The following IL1RAPL2 variants were observed in gnomAD, a reference collection of about 807,000 sequenced individuals.
The protein encoded by IL1RAPL2 is X-linked interleukin-1 receptor accessory protein-like 2.
Under a neutral mutation model 44.1 loss-of-function variants are expected in IL1RAPL2, and 3 were observed. The ratio of observed to expected loss-of-function variants is 0.07; its 90% CI spans 0.03 to 0.18. The LOEUF (loss-of-function observed/expected upper bound fraction) is 0.18, where lower values mean the gene tolerates loss of function less well. IL1RAPL2 is among the 10% of genes least tolerant of loss of function. The pLI is 1.00. For synonymous variants in IL1RAPL2, 181 were observed against 178.8 expected (o/e 1.01, Z -0.10); for missense variants, 391 against 496.4 (o/e 0.79, Z 2.02).
intron 1 of IL1RAPL2, among the ~76,000 whole-genome samples, chrX:104,610,314 T>C (rs889668107): frequency 9.0e-6 from 1 of 110,824 alleles, no homozygotes; most frequent in Non-Finnish European, 1.9e-5. Flanking sequence ...ATAAAGGGTA[T>C]TCAATTAGGA....
intron 5 of IL1RAPL2, among the ~76,000 whole-genome samples, chrX:105,475,686 GAA>G (rs754019209): frequency 1.1e-5 from 1 of 94,016 alleles, no homozygotes; most frequent in Admixed American, 1.2e-4. Context: ...GAACTGTGAA[GAA>G]AAAAAAAAAA....
At chrX:105,321,827 C>T (rs984068720) in intron 5 of IL1RAPL2, among the ~76,000 whole-genome samples, 1 of 112,568 alleles carries the variant, frequency 8.9e-6, no homozygotes, top group African/African-American at 3.2e-5. Context: ...TTTTTGCACA[C>T]AAATTGAGAT....
intron 6 of IL1RAPL2, among the ~76,000 whole-genome samples, chrX:105,490,520 G>A (rs1299741578): frequency 9.0e-6 from 1 of 111,637 alleles, no homozygotes; most frequent in Non-Finnish European, 1.9e-5. Flanking sequence ...TAGCATATCA[G>A]TTTCTACTGA....
At chrX:105,573,897 T>A (rs2037032521) in intron 6 of IL1RAPL2, among the ~76,000 whole-genome samples, 2 of 111,519 alleles carry the variant, frequency 1.8e-5, no homozygotes, top group African/African-American at 6.5e-5. Context: ...TCAGAAGAAC[T>A]CTATAGACTA....
At chrX:105,400,843 G>C (rs1039886295) in intron 5 of IL1RAPL2, among the ~76,000 whole-genome samples, 1 of 111,701 alleles carries the variant, frequency 9.0e-6, no homozygotes, top group African/African-American at 3.2e-5. Flanking sequence ...ATATGGTCTT[G>C]ACTATTATCT....
intron 2 of IL1RAPL2, among the ~76,000 whole-genome samples, chrX:104,848,300 A>G (rs2147639954): frequency 9.3e-6 from 1 of 107,783 alleles, no homozygotes; most frequent in Non-Finnish European, 1.9e-5. Context: ...CATTTACAAT[A>G]TGTTTAAACT....
At chrX:104,769,379 T>G (rs1334110737) in intron 2 of IL1RAPL2, among the ~76,000 whole-genome samples, 1 of 111,626 alleles carries the variant, frequency 9.0e-6, no homozygotes, top group African/African-American at 3.3e-5. Flanking sequence ...CAGGGACCAG[T>G]TTTCTAAGGT....
intron 2 of IL1RAPL2, among the ~76,000 whole-genome samples, chrX:104,946,392 A>AAAAAAAC (rs1925357557): frequency 1.1e-5 from 1 of 92,422 alleles, no homozygotes; most frequent in Non-Finnish European, 2.1e-5. Context: ...AAAAAAAAAA[A>AAAAAAAC]AAAAAAAAAA....
chrX:104,662,070 C>A (rs934023059), intron 2 of IL1RAPL2, among the ~76,000 whole-genome samples: 1 of 112,251 alleles, frequency 8.9e-6, no homozygotes, highest in African/African-American at 3.2e-5. Context: ...GTTTTTTCTT[C>A]TGTACTTGTC....
At chrX:104,684,077 C>T (rs374547584) in intron 2 of IL1RAPL2, among the ~76,000 whole-genome samples, 29 of 111,751 alleles carry the variant, frequency 2.6e-4, no homozygotes, top group African/African-American at 8.8e-4. Flanking sequence ...ATAAGAAGCA[C>T]GATTAGTGCT....
chrX:105,123,503 A>G (rs1279200079), intron 2 of IL1RAPL2, among the ~76,000 whole-genome samples: 19 of 110,749 alleles, frequency 1.7e-4, no homozygotes, highest in Non-Finnish European at 3.4e-4. Flanking sequence ...CATTTTCCAC[A>G]CTACTGGAAA....
intron 6 of IL1RAPL2, among the ~76,000 whole-genome samples, chrX:105,630,089 T>C (rs2037481281): frequency 9.0e-6 from 1 of 111,483 alleles, no homozygotes; most frequent in Admixed American, 9.6e-5. Flanking sequence ...AAGCCAACAG[T>C]AAATCAAATA....
chrX:105,120,885 C>T (rs1412984090), intron 2 of IL1RAPL2, among the ~76,000 whole-genome samples: 6 of 111,331 alleles, frequency 5.4e-5, no homozygotes, highest in African/African-American at 1.3e-4. Flanking sequence ...GATGTGTTTC[C>T]TGCAAAACTG....
At chrX:105,433,725 G>A (rs936951923) in intron 5 of IL1RAPL2, among the ~76,000 whole-genome samples, 1 of 111,332 alleles carries the variant, frequency 9.0e-6, no homozygotes, top group African/African-American at 3.3e-5. Context: ...GATTACAGTT[G>A]TGGAGCTGGG....
At chrX:105,374,624 ATTTGGCT>A (rs1392878252) in intron 5 of IL1RAPL2, among the ~76,000 whole-genome samples, 1 of 110,717 alleles carries the variant, frequency 9.0e-6, no homozygotes, top group Non-Finnish European at 1.9e-5. Flanking sequence ...TGTATTCCTG[ATTTGGCT>A]TTTGGCTTGG....
At chrX:105,526,168 A>C (rs1414685225) in intron 6 of IL1RAPL2, among the ~76,000 whole-genome samples, 1 of 111,728 alleles carries the variant, frequency 9.0e-6, no homozygotes, top group African/African-American at 3.3e-5. Flanking sequence ...TTTCCCACAG[A>C]GTAACTTTAT....
At chrX:105,524,044 T>A (rs995117166) in intron 6 of IL1RAPL2, among the ~76,000 whole-genome samples, 4 of 111,984 alleles carry the variant, frequency 3.6e-5, no homozygotes, top group African/African-American at 9.7e-5. Flanking sequence ...CAGATTTGTA[T>A]CTTGCTTATC....
chrX:104,663,418 T>TA (rs1234234139), intron 2 of IL1RAPL2, among the ~76,000 whole-genome samples: 1 of 111,346 alleles, frequency 9.0e-6, no homozygotes, highest in Non-Finnish European at 1.9e-5. Flanking sequence ...ATGTTTTATT[T>TA]AAAAATGCTG....
At chrX:105,017,431 C>G (rs2031203231) in intron 2 of IL1RAPL2, among the ~76,000 whole-genome samples, 1 of 111,148 alleles carries the variant, frequency 9.0e-6, no homozygotes, top group Admixed American at 9.6e-5. Context: ...TAAAAAAATA[C>G]TTATGCAAGT....
Sources: allele counts gnomAD v4.1 joint callset (sites outside exome capture counted in the v4.1 genomes callset), GRCh38; gene constraint gnomAD v4.1.1; transcripts MANE v1.5; gene names NCBI Gene and HGNC (gene_info 2026-07-23, HGNC 2026-07-21).